The following LRRFIP2 variants were observed in gnomAD, a reference collection of about 807,000 sequenced individuals.
LRRFIP2 encodes the protein leucine-rich repeat flightless-interacting protein 2.
LRRFIP2 carries 109 observed loss-of-function variants against 125.9 expected under a neutral mutation model. The observed-to-expected ratio is 0.87, with a 90% CI of 0.74 to 1.01. The LOEUF (loss-of-function observed/expected upper bound fraction) is 1.01, where lower values mean the gene tolerates loss of function less well. Ranked by LOEUF, LRRFIP2 falls within the 50% of genes least tolerant of loss-of-function variation. The probability of loss-of-function intolerance (pLI) is 0.00; values close to 1 mark genes in which losing one functional copy is unlikely to be tolerated. For missense variants in LRRFIP2, 850 were observed against 862.3 expected, an observed-to-expected ratio of 0.99 and a Z score of 0.18; for synonymous variants, 291 against 293.1, an observed-to-expected ratio of 0.99 and a Z score of 0.07.
chr3:37,080,409 A>C (rs1379570270), intron 19 of LRRFIP2, among the ~76,000 whole-genome samples: 1 of 151,934 alleles, frequency 6.6e-6, no homozygotes, highest in Non-Finnish European at 1.5e-5. Flanking sequence ...AAATAAAATA[A>C]ATAAAATTTA....
chr3:37,093,776 C>T (rs1478695856), intron 17 of LRRFIP2, among the ~76,000 whole-genome samples: 1 of 152,184 alleles, frequency 6.6e-6, no homozygotes, highest in Non-Finnish European at 1.5e-5. Context: ...CCCCTCACTA[C>T]TTTTCCAGCC....
intron 1 of LRRFIP2, among the ~76,000 whole-genome samples, chr3:37,155,435 GA>G (rs1224898358): frequency 2.6e-5 from 4 of 152,030 alleles, no homozygotes; most frequent in Non-Finnish European, 5.9e-5. Context: ...GAACAATTTG[GA>G]AAAAATAAAT....
chr3:37,165,862 A>G (rs2096477083), intron 1 of LRRFIP2, among the ~76,000 whole-genome samples: 2 of 151,924 alleles, frequency 1.3e-5, no homozygotes, highest in East Asian at 3.9e-4. Flanking sequence ...AGAAAGAGAA[A>G]GAAAGAAAGA....
chr3:37,054,512 T>A lies in LRRFIP2; in HGVS notation c.1954A>T (p.Ser652Cys), dbSNP rs775721900. ...CTCAGAACCTGTCCCTCAAGCCGGC[T>A]AATCTGTAAGTATGAGAACATAGGC... ...QDITTLEQSI[S>C]RLEGQVLRYK... Residue 652 changes from serine (S) to cysteine (C), a missense_variant, in exon 27 of 28, where the codon AGC (serine) becomes TGC (cysteine). By Grantham distance (112) the Ser-to-Cys change is moderately radical. Coordinates refer to ENST00000336686, the MANE Select transcript of LRRFIP2 (RefSeq NM_006309.4). 2.5e-6 allele frequency: 4 copies of A among 1,589,364 alleles called. No individual in the cohort carries two copies. The Admixed American group carries it at 6.7e-5, about 27-fold the overall frequency.
intron 19 of LRRFIP2, among the ~76,000 whole-genome samples, chr3:37,082,435 TC>T (rs765468526): frequency 2.6e-5 from 4 of 152,052 alleles, no homozygotes; most frequent in Non-Finnish European, 5.9e-5. Flanking sequence ...ATACTCCCTG[TC>T]CCCACACACG....
intron 2 of LRRFIP2, among the ~76,000 whole-genome samples, chr3:37,145,834 T>A (rs959656110): frequency 1.4e-4 from 22 of 152,348 alleles, no homozygotes; most frequent in African/African-American, 5.3e-4. Context: ...CTTCAGAGTC[T>A]GAATCCTGGC....
At chr3:37,165,730 C>T (rs143671782) in intron 1 of LRRFIP2, among the ~76,000 whole-genome samples, 71 of 146,200 alleles carry the variant, frequency 4.9e-4, no homozygotes, top group African/African-American at 1.7e-3. Flanking sequence ...CACTCTAGCC[C>T]GGGCAACAAG....
chr3:37,166,063 C>T (rs1483292222), intron 1 of LRRFIP2, among the ~76,000 whole-genome samples: 2 of 152,120 alleles, frequency 1.3e-5, no homozygotes, highest in Non-Finnish European at 2.9e-5. Flanking sequence ...CTGGGCAGGG[C>T]GCGGTGGCTC....
chr3:37,090,463 C>T (rs1347750580), intron 18 of LRRFIP2, among the ~76,000 whole-genome samples: 4 of 152,188 alleles, frequency 2.6e-5, no homozygotes, highest in Non-Finnish European at 4.4e-5. Context: ...CTCCTGACCT[C>T]AGGTCATCCG....
chr3:37,164,290 T>C (rs530272762), intron 1 of LRRFIP2, among the ~76,000 whole-genome samples: 29 of 152,298 alleles, frequency 1.9e-4, no homozygotes, highest in Non-Finnish European at 3.8e-4. Flanking sequence ...TGATTTAAAA[T>C]TTCAAAATTG....
chr3:37,154,360 CCTT>C (rs1460502718), intron 1 of LRRFIP2, among the ~76,000 whole-genome samples: 2 of 152,224 alleles, frequency 1.3e-5, no homozygotes, highest in African/African-American at 4.8e-5. Flanking sequence ...TCAAAGGAAA[CCTT>C]AAATAATTTT....
chr3:37,168,526 A>T (rs1300137193), intron 1 of LRRFIP2, among the ~76,000 whole-genome samples: 5 of 152,366 alleles, frequency 3.3e-5, no homozygotes, highest in African/African-American at 1.2e-4. Context: ...TATGGGCATG[A>T]GGTGATATTG....
At chr3:37,080,757 T>C (rs1165432862) in intron 19 of LRRFIP2, among the ~76,000 whole-genome samples, 1 of 152,036 alleles carries the variant, frequency 6.6e-6, no homozygotes, top group Non-Finnish European at 1.5e-5. Context: ...TCAACATATA[T>C]ATTATAAGGA....
At chr3:37,175,965 C>CG (rs1429806178), upstream of LRRFIP2, 1 of 152,212 alleles carries the variant, frequency 6.6e-6, no homozygotes, top group Non-Finnish European at 1.5e-5. Context: ...AGGTCGGAGG[C>CG]GGCGCGGATC....
At chr3:37,073,734 C>A (rs2091635964) in intron 20 of LRRFIP2, among the ~76,000 whole-genome samples, 1 of 152,154 alleles carries the variant, frequency 6.6e-6, no homozygotes, top group South Asian at 2.1e-4. Flanking sequence ...CTATAGAAAT[C>A]AAGCATTATA....
At chr3:37,086,844 T>C (rs908439580) in intron 18 of LRRFIP2, among the ~76,000 whole-genome samples, 1 of 151,962 alleles carries the variant, frequency 6.6e-6, no homozygotes, top group African/African-American at 2.4e-5. Context: ...TAAAAATACA[T>C]ACATACATAC....
chr3:37,166,890 T>C (rs1471065230), intron 1 of LRRFIP2, among the ~76,000 whole-genome samples: 1 of 151,762 alleles, frequency 6.6e-6, no homozygotes, highest in East Asian at 1.9e-4. Flanking sequence ...TGGTGGCGCA[T>C]GCCTGTAATC....
Position 37,105,475 on chromosome 3 carries a change from G to A in LRRFIP2, c.763C>T (p.Arg255Cys), listed in dbSNP as rs755577779. Residue 255 changes from arginine (R) to cysteine (C), a missense_variant, in exon 14 of 28, where the codon CGT becomes TGT. By Grantham distance (180) the Arg-to-Cys change is radical. Coordinates refer to ENST00000336686, the MANE Select transcript of LRRFIP2 (RefSeq NM_006309.4). ...ASIVSSDRAS[R>C]GRRESVVSAA... The stretch of plus-strand genomic sequence containing the variant: ...CTCACCACACTCTCCCTTCGTCCAC[G>A]ACTGGCACGATCAGAAGACACAATG... 1.8e-5 allele frequency: 29 copies of A among 1,613,714 alleles called. No individual in the cohort carries two copies. The highest frequency in any genetic ancestry group is 5.3e-5 in the African/African-American group (4 of 74,890).
intron 17 of LRRFIP2, among the ~76,000 whole-genome samples, chr3:37,094,299 G>A (rs565545111): frequency 3.0e-4 from 45 of 152,250 alleles, no homozygotes; most frequent in African/African-American, 1.0e-3. Context: ...TAAGGATGGA[G>A]ACTTAATGAG....
Sources: gnomAD v4.1 joint callset for allele counts (sites outside exome capture counted in the v4.1 genomes callset) on GRCh38, gnomAD v4.1.1 for gene constraint, MANE v1.5 for transcripts, NCBI Gene and HGNC (gene_info 2026-07-23, HGNC 2026-07-21) for gene names.